The following PLCH1 variants were observed in gnomAD, a reference collection of about 807,000 sequenced individuals.
The protein encoded by PLCH1 is phospholipase C eta 1.
In PLCH1, 60 loss-of-function variants were observed where a neutral mutation model predicts 126.7. The observed-to-expected ratio is 0.47, with a 90% CI of 0.38 to 0.59. PLCH1 has a LOEUF of 0.59. Ranked by LOEUF, PLCH1 falls within the 20% of genes least tolerant of loss-of-function variation. The pLI is 0.00. For missense variants in PLCH1, 1,723 were observed against 2,040.0 expected, an observed-to-expected ratio of 0.84 and a Z score of 2.99; for synonymous variants, 719 against 734.9, an observed-to-expected ratio of 0.98 and a Z score of 0.35.
chr3:155,462,293 G>A (rs1179657224), intron 21 of PLCH1, among the ~76,000 whole-genome samples: 1 of 152,128 alleles, frequency 6.6e-6, no homozygotes, highest in African/African-American at 2.4e-5. Flanking sequence ...TTGTAAATGG[G>A]CACCTGCAGC....
intron 8 of PLCH1, among the ~76,000 whole-genome samples, chr3:155,560,417 T>A (rs913465587): frequency 1.3e-5 from 2 of 152,176 alleles, no homozygotes; most frequent in African/African-American, 4.8e-5. Context: ...TTTTATAGCA[T>A]CTTCATTATT....
chr3:155,530,712 ACCT>A (rs1293132278), intron 10 of PLCH1, among the ~76,000 whole-genome samples: 1 of 151,846 alleles, frequency 6.6e-6, no homozygotes, highest in African/African-American at 2.4e-5. Context: ...TAATCTGTTG[ACCT>A]CCTCAAAAAA....
chr3:155,649,852 C>T (rs1222282705), intron 2 of PLCH1, among the ~76,000 whole-genome samples: 1 of 152,158 alleles, frequency 6.6e-6, no homozygotes, highest in African/African-American at 2.4e-5. Context: ...GTGATGGGCG[C>T]CTGCAGTCCC....
At chr3:155,700,892 G>C (rs1307121699) in intron 2 of PLCH1, among the ~76,000 whole-genome samples, 1 of 152,148 alleles carries the variant, frequency 6.6e-6, no homozygotes, top group Non-Finnish European at 1.5e-5. Flanking sequence ...CTTTGCTCAA[G>C]ATTTTTTTCT....
At chr3:155,743,934 G>A (rs1296449340) in intron 1 of PLCH1, among the ~76,000 whole-genome samples, 3 of 152,096 alleles carry the variant, frequency 2.0e-5, no homozygotes, top group Non-Finnish European at 4.4e-5. Context: ...TTCAATTGCT[G>A]CCCTAATAAC....
At chr3:155,712,805 G>C (rs1267829701) in intron 1 of PLCH1, among the ~76,000 whole-genome samples, 1 of 149,932 alleles carries the variant, frequency 6.7e-6, no homozygotes, top group Non-Finnish European at 1.5e-5. Context: ...TTTCTAAGTA[G>C]AGGAATTTGT....
intron 2 of PLCH1, among the ~76,000 whole-genome samples, chr3:155,633,814 G>A (rs1395426381): frequency 5.9e-5 from 9 of 152,162 alleles, no homozygotes; most frequent in Non-Finnish European, 1.3e-4. Context: ...CAGCTACTCA[G>A]GAGGCTGAGG....
At chr3:155,473,572 C>G (rs1466134740) in intron 21 of PLCH1, among the ~76,000 whole-genome samples, 1 of 151,216 alleles carries the variant, frequency 6.6e-6, no homozygotes, top group Non-Finnish European at 1.5e-5. Context: ...TTGGAAAAAA[C>G]TACTTTAAAG....
chr3:155,589,341 T>C (rs1258193842), intron 4 of PLCH1, among the ~76,000 whole-genome samples: 1 of 152,216 alleles, frequency 6.6e-6, no homozygotes, highest in African/African-American at 2.4e-5. Flanking sequence ...TAAACCTTTA[T>C]TGGAATTTCA....
intron 2 of PLCH1, among the ~76,000 whole-genome samples, chr3:155,640,128 TG>T (rs1180358898): frequency 6.6e-6 from 1 of 152,176 alleles, no homozygotes; most frequent in African/African-American, 2.4e-5. Flanking sequence ...GCTGATCACT[TG>T]TGGGAAAGAC....
chr3:155,627,068 A>G (rs186611724), intron 2 of PLCH1, among the ~76,000 whole-genome samples: 38 of 152,302 alleles, frequency 2.5e-4, no homozygotes, highest in African/African-American at 9.1e-4. Context: ...AAAGTAAATA[A>G]TGTCACATGA....
chr3:155,722,652 T>C (rs1166006111), intron 1 of PLCH1, among the ~76,000 whole-genome samples: 2 of 152,252 alleles, frequency 1.3e-5, no homozygotes. Context: ...AAACCATCCC[T>C]GCATCCCTAG....
chr3:155,671,183 G>T (rs1444835237), intron 2 of PLCH1, among the ~76,000 whole-genome samples: 3 of 152,174 alleles, frequency 2.0e-5, no homozygotes, highest in Non-Finnish European at 4.4e-5. Context: ...CTGACCTAGA[G>T]CAAGTTCTTT....
intron 14 of PLCH1, among the ~76,000 whole-genome samples, chr3:155,498,923 G>A (rs1031886173): frequency 6.6e-6 from 1 of 151,968 alleles, no homozygotes; most frequent in Non-Finnish European, 1.5e-5. Flanking sequence ...TTTCTTATGG[G>A]AAACAACTAC....
intron 1 of PLCH1, among the ~76,000 whole-genome samples, chr3:155,737,140 G>A (rs948321593): frequency 7.0e-6 from 1 of 142,100 alleles, no homozygotes; most frequent in Admixed American, 7.7e-5. Flanking sequence ...GCTGAGGCAG[G>A]AGAATCGCAT....
At position 155,514,749 on chromosome 3, in the gene PLCH1, C is replaced by A; in HGVS notation, c.1606G>T (p.Glu536Ter). 1 of 1,598,096 alleles carries A rather than the reference C, an allele frequency of 6.3e-7. No homozygotes were observed. Among genetic ancestry groups the A allele is most frequent in the Non-Finnish European group, 8.5e-7 (1 of 1,170,450 alleles). ...TGCTTCAGGTGTGCATTTAAGCCTTCATGCGTGGCCTTCAGTAGTGCCCGC... is the reference window on the plus strand; with the variant it reads ...TGCTTCAGGTGTGCATTTAAGCCTTAATGCGTGGCCTTCAGTAGTGCCCGC... ...TVRALLKATH[E>*]GLNAHLKQSP... Residue 536 changes from glutamate (E) to a stop codon, truncating the protein, a stop_gained, in exon 12 of 23, where the codon GAA becomes TAA. Coordinates refer to ENST00000460012, the MANE Select transcript of PLCH1 (RefSeq NM_014996.4). LOFTEE classifies it high-confidence loss of function.
intron 2 of PLCH1, among the ~76,000 whole-genome samples, chr3:155,648,820 G>A (rs150720165): frequency 5.9e-5 from 9 of 152,330 alleles, no homozygotes; most frequent in African/African-American, 1.7e-4. Context: ...CTCAGTGGAG[G>A]TGGCTGATAA....
intron 10 of PLCH1, among the ~76,000 whole-genome samples, chr3:155,543,189 T>A (rs1724641525): frequency 6.6e-6 from 1 of 152,080 alleles, no homozygotes; most frequent in South Asian, 2.1e-4. Context: ...AGAGAAGTAC[T>A]TAAAGGAGCC....
chr3:155,699,038 TG>T (rs1316699303), intron 2 of PLCH1, among the ~76,000 whole-genome samples: 1 of 151,514 alleles, frequency 6.6e-6, no homozygotes, highest in Non-Finnish European at 1.5e-5. Flanking sequence ...AATTTTTCCC[TG>T]GTCCTCTCTA....
Sources: allele counts gnomAD v4.1 joint callset (sites outside exome capture counted in the v4.1 genomes callset), GRCh38; gene constraint gnomAD v4.1.1; transcripts MANE v1.5; gene names NCBI Gene and HGNC (gene_info 2026-07-23, HGNC 2026-07-21).